CSMD1: variants seen among roughly 807,000 people sequenced by gnomAD.
CSMD1 encodes CUB and Sushi multiple domains 1.
Under a neutral mutation model 417.5 loss-of-function variants are expected in CSMD1, and 213 were observed. The observed-to-expected ratio is 0.51, with a 90% CI of 0.46 to 0.57. The LOEUF (loss-of-function observed/expected upper bound fraction) is 0.57, where lower values mean the gene tolerates loss of function less well. Ranked by LOEUF, CSMD1 falls within the 20% of genes least tolerant of loss-of-function variation. CSMD1 has a pLI of 0.00. For missense variants in CSMD1, 6,923 were observed against 4,529.7 expected (o/e 1.53, Z -15.17); for synonymous variants, 2,862 against 1,736.8 (o/e 1.65, Z -16.11).
chr8:3,615,297 C>T (rs974318545), intron 8 of CSMD1, among the ~76,000 whole-genome samples: 7 of 152,126 alleles, frequency 4.6e-5, no homozygotes, highest in East Asian at 1.9e-4. Context: ...CCCCAGAACT[C>T]GCCATGGAAA....
intron 1 of CSMD1, among the ~76,000 whole-genome samples, chr8:4,645,278 A>G (rs1002234026): frequency 3.3e-5 from 5 of 151,986 alleles, no homozygotes; most frequent in African/African-American, 9.7e-5. Context: ...TATGATGTCA[A>G]TGTTGTTCCC....
intron 3 of CSMD1, among the ~76,000 whole-genome samples, chr8:4,208,478 AT>A (rs1467285286): frequency 3.3e-5 from 5 of 152,218 alleles, no homozygotes; most frequent in African/African-American, 1.2e-4. Flanking sequence ...TGATGTTTCT[AT>A]TCATCTGCGT....
intron 1 of CSMD1, among the ~76,000 whole-genome samples, chr8:4,913,666 G>C (rs1273040641): frequency 6.6e-6 from 1 of 152,192 alleles, no homozygotes; most frequent in Non-Finnish European, 1.5e-5. Context: ...GTACTGTGCA[G>C]ATTAGAATTC....
At chr8:3,789,392 T>A (rs1455444483) in intron 5 of CSMD1, among the ~76,000 whole-genome samples, 1 of 1,302 alleles carries the variant, frequency 7.7e-4, no homozygotes, top group African/African-American at 9.5e-4. Context: ...TAAGTAGTGT[T>A]TTTTTTTTTA....
At chr8:4,825,082 C>G (rs1457191) in intron 1 of CSMD1, among the ~76,000 whole-genome samples, 1 of 152,024 alleles carries the variant, frequency 6.6e-6, no homozygotes, top group Non-Finnish European at 1.5e-5. Context: ...ATTTTAAATA[C>G]TGCATACATT....
At chr8:4,583,033 C>T (rs763470087) in intron 2 of CSMD1, among the ~76,000 whole-genome samples, 1 of 152,190 alleles carries the variant, frequency 6.6e-6, no homozygotes, top group African/African-American at 2.4e-5. Flanking sequence ...GCGCTGTGCT[C>T]GACTTCTCAC....
intron 1 of CSMD1, among the ~76,000 whole-genome samples, chr8:4,909,515 T>C (rs1182965276): frequency 1.3e-5 from 2 of 152,154 alleles, no homozygotes; most frequent in Non-Finnish European, 2.9e-5. Context: ...GAGAAAGCCT[T>C]CCTGATGTAG....
At chr8:3,510,525 C>G (rs1367827822) in intron 10 of CSMD1, among the ~76,000 whole-genome samples, 2 of 151,774 alleles carry the variant, frequency 1.3e-5, no homozygotes, top group Non-Finnish European at 2.9e-5. Flanking sequence ...CTTAGAAGGT[C>G]TTTAAAGAGG....
At chr8:3,659,425 T>C (rs1798298215) in intron 7 of CSMD1, among the ~76,000 whole-genome samples, 3 of 152,214 alleles carry the variant, frequency 2.0e-5, no homozygotes, top group Admixed American at 6.5e-5. Flanking sequence ...AGAATCATTG[T>C]ATAATTATCT....
intron 37 of CSMD1, among the ~76,000 whole-genome samples, chr8:3,171,028 C>T (rs1156229244): frequency 6.6e-6 from 1 of 152,134 alleles, no homozygotes. Context: ...TGGAATAAAT[C>T]TGAGCATGGT....
At chr8:4,322,200 C>A (rs1033807679) in intron 3 of CSMD1, among the ~76,000 whole-genome samples, 1 of 152,126 alleles carries the variant, frequency 6.6e-6, no homozygotes, top group African/African-American at 2.4e-5. Flanking sequence ...TCCTTTCACT[C>A]TATGGTTCCA....
intron 52 of CSMD1, among the ~76,000 whole-genome samples, chr8:3,010,141 C>T (rs1362027742): frequency 6.6e-6 from 1 of 152,180 alleles, no homozygotes; most frequent in Non-Finnish European, 1.5e-5. Context: ...CTTCCACAAA[C>T]CCCAAAGGAA....
At chr8:3,726,753 C>T (rs1199077909) in intron 6 of CSMD1, among the ~76,000 whole-genome samples, 2 of 152,188 alleles carry the variant, frequency 1.3e-5, no homozygotes, top group Non-Finnish European at 2.9e-5. Flanking sequence ...GTCCAGTTCT[C>T]ATTCCTGAGC....
chr8:4,749,906 C>A (rs1050299547), intron 1 of CSMD1, among the ~76,000 whole-genome samples: 5 of 151,916 alleles, frequency 3.3e-5, no homozygotes, highest in Non-Finnish European at 5.9e-5. Context: ...TGTTTTGTCT[C>A]TAGATTGTCA....
intron 7 of CSMD1, among the ~76,000 whole-genome samples, chr8:3,645,268 G>C (rs1021546695): frequency 2.0e-5 from 3 of 152,162 alleles, no homozygotes; most frequent in Admixed American, 1.3e-4. Flanking sequence ...TCATACACTT[G>C]TCTCAGGAAG....
intron 2 of CSMD1, among the ~76,000 whole-genome samples, chr8:4,478,004 G>A (rs980689904): frequency 6.6e-6 from 1 of 152,094 alleles, no homozygotes; most frequent in South Asian, 2.1e-4. Context: ...TAAGTACCGG[G>A]AACTCAGTGA....
At chr8:3,542,418 T>C (rs1047051146) in intron 10 of CSMD1, among the ~76,000 whole-genome samples, 3 of 152,220 alleles carry the variant, frequency 2.0e-5, no homozygotes, top group Non-Finnish European at 4.4e-5. Context: ...CCAGATACCG[T>C]TCTACGATTG....
chr8:4,604,381 T>TG (rs1554522665), intron 2 of CSMD1, among the ~76,000 whole-genome samples: 1 of 91,554 alleles, frequency 1.1e-5, no homozygotes, highest in African/African-American at 3.2e-5. Context: ...ACAAATAGCA[T>TG]TGTGTGTGTG....
chr8:4,940,235 G>C (rs1421741909), intron 1 of CSMD1, among the ~76,000 whole-genome samples: 1 of 152,158 alleles, frequency 6.6e-6, no homozygotes, highest in Non-Finnish European at 1.5e-5. Flanking sequence ...ATTTGAGAAG[G>C]ACAAGAACAG....
Sources: allele counts gnomAD v4.1 joint callset (sites outside exome capture counted in the v4.1 genomes callset), GRCh38; gene constraint gnomAD v4.1.1; transcripts MANE v1.5; gene names NCBI Gene and HGNC (gene_info 2026-07-23, HGNC 2026-07-21).